CPE: variants seen among roughly 807,000 people sequenced by gnomAD.
CPE encodes carbocypeptidase E.
CPE carries 17 observed loss-of-function variants against 53.5 expected under a neutral mutation model. That is an observed-to-expected ratio of 0.32 (90% CI 0.22 to 0.48). CPE has a LOEUF of 0.48. Ranked by LOEUF, CPE falls within the 20% of genes least tolerant of loss-of-function variation. The pLI is 0.99. For synonymous variants in CPE, 226 were observed against 228.8 expected, an observed-to-expected ratio of 0.99 and a Z score of 0.11; for missense variants, 524 against 614.7, an observed-to-expected ratio of 0.85 and a Z score of 1.56.
intron 1 of CPE, among the ~76,000 whole-genome samples, chr4:165,451,555 G>A (rs1007589746): frequency 2.3e-4 from 35 of 152,036 alleles, no homozygotes; most frequent in East Asian, 3.9e-4. Flanking sequence ...GCAGTGGTGC[G>A]ATCTCTGTTC....
At chr4:165,458,703 T>G (rs149501647) in intron 1 of CPE, among the ~76,000 whole-genome samples, 1 of 152,214 alleles carries the variant, frequency 6.6e-6, no homozygotes, top group Non-Finnish European at 1.5e-5. Flanking sequence ...TGCTGTTTTC[T>G]TCCTATAGAA....
chr4:165,444,251 A>T (rs1051374430), intron 1 of CPE, among the ~76,000 whole-genome samples: 2 of 152,190 alleles, frequency 1.3e-5, no homozygotes, highest in Non-Finnish European at 2.9e-5. Context: ...CTGGTAAATG[A>T]TGTAACACAG....
At chr4:165,383,379 G>A (rs1282621289) in intron 1 of CPE, among the ~76,000 whole-genome samples, 1 of 152,192 alleles carries the variant, frequency 6.6e-6, no homozygotes, top group East Asian at 1.9e-4. Context: ...TCGAAATACA[G>A]TACTCATAAA....
intron 1 of CPE, among the ~76,000 whole-genome samples, chr4:165,441,286 A>G (rs890546157): frequency 1.1e-4 from 16 of 152,332 alleles, no homozygotes; most frequent in Non-Finnish European, 1.5e-4. Context: ...TATCTGGAGA[A>G]TGAAGCAATT....
At chr4:165,460,316 A>T (rs1731978036) in intron 1 of CPE, among the ~76,000 whole-genome samples, 1 of 152,196 alleles carries the variant, frequency 6.6e-6, no homozygotes, top group Non-Finnish European at 1.5e-5. Flanking sequence ...TGTATTAAGG[A>T]TTCTGAAGGC....
intron 5 of CPE, among the ~76,000 whole-genome samples, chr4:165,485,522 A>G (rs900371372): frequency 6.6e-6 from 1 of 152,146 alleles, no homozygotes; most frequent in African/African-American, 2.4e-5. Context: ...GATCAGACTT[A>G]GTACTCTTTC....
intron 1 of CPE, among the ~76,000 whole-genome samples, chr4:165,418,528 T>G (rs1259584939): frequency 6.6e-6 from 1 of 152,192 alleles, no homozygotes; most frequent in Non-Finnish European, 1.5e-5. Context: ...ATTAAGTAAG[T>G]GTGTATTTGT....
intron 7 of CPE, 93 bp downstream of exon 7, chr4:165,493,363 A>G: frequency 1.2e-6 from 1 of 866,074 alleles, no homozygotes; most frequent in Non-Finnish European, 1.8e-6. Flanking sequence ...TTCTAAGCAA[A>G]ACAAATAGCT....
At position 165,412,993 on chromosome 4, in the gene CPE, C is replaced by T. The variant is rs114396669; in HGVS notation, c.307+33465C>T. Among the ~76,000 whole-genome samples the T allele has an allele frequency of 4.5e-3, 685 of 152,350 alleles. 4 individuals are homozygous for T. The highest frequency in any genetic ancestry group is 0.015 in the African/African-American group (632 of 41,594). ...AATCAAACCCAGACTTCTTCGCATGCGCTTGAGATTCTTCTGGCTGGGTCC... is the reference window on the plus strand; with the variant it reads ...AATCAAACCCAGACTTCTTCGCATGTGCTTGAGATTCTTCTGGCTGGGTCC... On this transcript the variant is annotated intron_variant, in intron 1 of 8. Transcript: ENST00000402744.
At chr4:165,392,435 G>A (rs1305337111) in intron 1 of CPE, among the ~76,000 whole-genome samples, 1 of 143,506 alleles carries the variant, frequency 7.0e-6, no homozygotes, top group Non-Finnish European at 1.5e-5. Context: ...AATGAGAGTG[G>A]GAGTCCAGAG....
intron 1 of CPE, among the ~76,000 whole-genome samples, chr4:165,438,648 C>T (rs952212354): frequency 6.6e-6 from 1 of 152,088 alleles, no homozygotes; most frequent in Admixed American, 6.5e-5. Flanking sequence ...ATGAGTGTTA[C>T]AAAGTCACTA....
rs866545261 is a variant in CPE, at chr4:165,424,558, G to A, written c.308-39832G>A. ...TGTATTTATTTATTTTTTTGAGATG[G>A]AGTCTCGCTCTGTAGCCCAGGCTGG... On this transcript the variant is annotated intron_variant, in intron 1 of 8. Coordinates refer to ENST00000402744, the MANE Select transcript of CPE (RefSeq NM_001873.4). Among the ~76,000 whole-genome samples, 12 of 148,922 alleles carry A rather than the reference G, an allele frequency of 8.1e-5. No homozygotes were observed. The South Asian group carries it at 2.3e-3, about 29-fold the overall frequency.
intron 1 of CPE, among the ~76,000 whole-genome samples, chr4:165,385,443 CTTTTTT>C (rs70955613): frequency 6.5e-5 from 7 of 107,008 alleles, no homozygotes; most frequent in Admixed American, 1.1e-4. Flanking sequence ...CAAATGTTTG[CTTTTTT>C]TTTTTTTTTT....
chr4:165,453,305 C>T (rs1281035909), intron 1 of CPE, among the ~76,000 whole-genome samples: 1 of 150,970 alleles, frequency 6.6e-6, no homozygotes, highest in Non-Finnish European at 1.5e-5. Flanking sequence ...CTTTTTCTTT[C>T]TTTTTCCTTC....
At chr4:165,463,911 C>T (rs1018633365) in intron 1 of CPE, among the ~76,000 whole-genome samples, 1 of 152,180 alleles carries the variant, frequency 6.6e-6, no homozygotes, top group African/African-American at 2.4e-5. Context: ...TCTCACAGGC[C>T]TGGAGGCTAG....
intron 1 of CPE, among the ~76,000 whole-genome samples, chr4:165,430,813 GA>G (rs1417605943): frequency 5.9e-5 from 9 of 152,164 alleles, no homozygotes; most frequent in African/African-American, 1.9e-4. Flanking sequence ...TTAAATGTTT[GA>G]ATTTAGACAC....
At chr4:165,443,329 TA>T (rs1731646756) in intron 1 of CPE, among the ~76,000 whole-genome samples, 1 of 152,252 alleles carries the variant, frequency 6.6e-6, no homozygotes, top group South Asian at 2.1e-4. Context: ...GAGCATTTAT[TA>T]AATGCCAGCC....
chr4:165,379,414 T>C lies in CPE; in HGVS notation c.193T>C (p.Ser65Pro), dbSNP rs1193480880. ...RYPELREALV[S>P]VWLQCTAISR... ...CCCCGAGCTGCGCGAGGCGCTCGTGTCCGTGTGGCTGCAGTGCACCGCCAT... is the reference window on the plus strand; with the variant it reads ...CCCCGAGCTGCGCGAGGCGCTCGTGCCCGTGTGGCTGCAGTGCACCGCCAT... The change falls in exon 1 of 9, where the codon TCC becomes CCC. Residue 65 changes from serine (S) to proline (P), a missense_variant. By Grantham distance (74) the Ser-to-Pro change is moderately conservative. Coordinates refer to ENST00000402744, the MANE Select transcript of CPE (RefSeq NM_001873.4). The surrounding 1 kb of genome is among the most constrained non-coding windows in gnomAD (Gnocchi z 6.0). The C allele has an allele frequency of 3.7e-6, 6 of 1,610,474 alleles. No homozygotes were observed. The highest frequency in any genetic ancestry group is 5.1e-6 in the Non-Finnish European group (6 of 1,179,076).
intron 3 of CPE, among the ~76,000 whole-genome samples, chr4:165,481,174 G>A (rs569093023): frequency 1.2e-4 from 18 of 152,126 alleles, no homozygotes; most frequent in African/African-American, 3.6e-4. Flanking sequence ...TAGAAACAGC[G>A]TGAGCCTTAG....
Sources: allele counts gnomAD v4.1 joint callset (sites outside exome capture counted in the v4.1 genomes callset), GRCh38; gene constraint gnomAD v4.1.1; non-coding constraint Gnocchi (gnomAD v3.1); transcripts MANE v1.5; gene names NCBI Gene and HGNC (gene_info 2026-07-23, HGNC 2026-07-21).